The following ZDHHC21 variants were observed in gnomAD, a reference collection of about 807,000 sequenced individuals.
ZDHHC21 encodes zDHHC palmitoyltransferase 21, also known as palmitoyltransferase ZDHHC21.
A neutral mutation model predicts 34.6 loss-of-function variants in ZDHHC21; 15 were observed. The observed-to-expected ratio is 0.43, with a 90% CI of 0.29 to 0.67. The LOEUF is 0.67. ZDHHC21 is among the 30% of genes least tolerant of loss of function. The pLI is 0.14. For synonymous variants in ZDHHC21, 142 were observed against 101.8 expected (o/e 1.40, Z -2.38); for missense variants, 344 against 327.7 (o/e 1.05, Z -0.38).
chr9:14,632,025 A>G (rs1827435055), intron 8 of ZDHHC21, among the ~76,000 whole-genome samples: 1 of 151,550 alleles, frequency 6.6e-6, no homozygotes, highest in Non-Finnish European at 1.5e-5. Context: ...TACTCAATGC[A>G]TCATTGCCAC....
intron 8 of ZDHHC21, chr9:14,622,444 G>A: frequency 2.5e-6 from 2 of 803,548 alleles, no homozygotes; most frequent in Non-Finnish European, 3.0e-6. Flanking sequence ...AAAGGAGAAA[G>A]AGATATCTCT....
At chr9:14,652,665 T>G (rs1831430708) in intron 7 of ZDHHC21, among the ~76,000 whole-genome samples, 2 of 152,036 alleles carry the variant, frequency 1.3e-5, no homozygotes, top group South Asian at 4.1e-4. Context: ...TCCCAATCTG[T>G]TCATTTCCCA....
chr9:14,649,891 A>G lies in ZDHHC21; in HGVS notation c.504+8858T>C, dbSNP rs1477278398. 1.1e-4 allele frequency among the ~76,000 whole-genome samples: 17 copies of G among 152,106 alleles called. 1 individual carries two copies. The highest frequency in any genetic ancestry group is 1.0e-3 in the Admixed American group (16 of 15,260). On this transcript the variant is annotated intron_variant, in intron 7 of 9. Coordinates refer to ENST00000380916, the MANE Select transcript of ZDHHC21 (RefSeq NM_178566.6). The stretch of plus-strand genomic sequence containing the variant: ...ACATACTTCCTTACTACATTCACCA[A>G]TTAATGCAGTGCTACAGTGTTTGGT...
At chr9:14,679,651 T>C (rs887469322) in intron 3 of ZDHHC21, among the ~76,000 whole-genome samples, 3 of 152,132 alleles carry the variant, frequency 2.0e-5, no homozygotes, top group Non-Finnish European at 4.4e-5. Context: ...AAAATAAAGA[T>C]AACCTAAGAG....
At chr9:14,599,047 G>C in the ZDHHC21 span, among the ~76,000 whole-genome samples, 1 of 152,172 alleles carries the variant, frequency 6.6e-6, no homozygotes, top group African/African-American at 2.4e-5. Context: ...ACAGATGTGA[G>C]CCACCTCACC....
chr9:14,683,865 G>C (rs1837811826), intron 2 of ZDHHC21: 1 of 152,116 alleles, frequency 6.6e-6, no homozygotes, highest in Non-Finnish European at 1.5e-5. Context: ...GATCAAGTGG[G>C]CTTCATCGCT....
chr9:14,678,505 C>G (rs1836819483), intron 3 of ZDHHC21, among the ~76,000 whole-genome samples: 1 of 151,840 alleles, frequency 6.6e-6, no homozygotes, highest in Non-Finnish European at 1.5e-5. Flanking sequence ...TATTGAAAAA[C>G]TTTTAGAAAG....
At chr9:14,606,686 C>T (rs953622844), downstream of ZDHHC21, among the ~76,000 whole-genome samples, 1 of 151,856 alleles carries the variant, frequency 6.6e-6, no homozygotes, top group African/African-American at 2.4e-5. Flanking sequence ...GCAACTGGAA[C>T]AATCACCATA....
At chr9:14,677,124 C>T (rs557266433) in intron 3 of ZDHHC21, among the ~76,000 whole-genome samples, 1 of 151,970 alleles carries the variant, frequency 6.6e-6, no homozygotes, top group Admixed American at 6.6e-5. Context: ...TCTCTCACAG[C>T]AACAAAAAAT....
chr9:14,590,929 A>G, the ZDHHC21 span, among the ~76,000 whole-genome samples: 1 of 152,200 alleles, frequency 6.6e-6, no homozygotes. Context: ...CAGGAAGTTT[A>G]TAACACATAT....
At chr9:14,598,003 T>C in the ZDHHC21 span, among the ~76,000 whole-genome samples, 14 of 152,232 alleles carry the variant, frequency 9.2e-5, no homozygotes, top group African/African-American at 2.9e-4. Flanking sequence ...CACATGCTGC[T>C]TGGGGGCCTG....
At chr9:14,660,092 G>A (rs948752466) in intron 6 of ZDHHC21, among the ~76,000 whole-genome samples, 21 of 151,934 alleles carry the variant, frequency 1.4e-4, no homozygotes, top group Admixed American at 2.6e-4. Context: ...CAGGCCAGGC[G>A]CGGTGACTCA....
At chr9:14,658,685 A>G in intron 7 of ZDHHC21, 64 bp downstream of exon 7, 8 of 1,351,884 alleles carry the variant, frequency 5.9e-6, no homozygotes, top group African/African-American at 1.5e-5. Flanking sequence ...GTTAGCCAGG[A>G]TGGTCTCGAT....
chr9:14,675,965 A>T (rs569687768), intron 3 of ZDHHC21, among the ~76,000 whole-genome samples: 3 of 152,102 alleles, frequency 2.0e-5, no homozygotes, highest in African/African-American at 7.2e-5. Context: ...CAAATCATAA[A>T]GCTTTCTGTG....
downstream of ZDHHC21, among the ~76,000 whole-genome samples, chr9:14,608,979 T>C (rs985813078): frequency 2.6e-5 from 4 of 152,168 alleles, no homozygotes; most frequent in African/African-American, 7.2e-5. Context: ...AATATACAGA[T>C]ACACATTCCA....
intron 2 of ZDHHC21, 122 bp downstream of exon 2, chr9:14,690,215 C>A (rs1838962493): frequency 2.6e-6 from 1 of 381,168 alleles, no homozygotes; most frequent in Non-Finnish European, 5.1e-6. Context: ...GTACCCACCA[C>A]ACCAAGAGAG....
At chr9:14,590,901 A>G in the ZDHHC21 span, among the ~76,000 whole-genome samples, 2 of 152,156 alleles carry the variant, frequency 1.3e-5, no homozygotes, top group African/African-American at 4.8e-5. Flanking sequence ...TGGCAAAAGA[A>G]AAGTAATAAT....
intron 5 of ZDHHC21, 68 bp from the exon 6 acceptor site, chr9:14,662,394 GT>G: frequency 8.4e-7 from 1 of 1,197,430 alleles, no homozygotes; most frequent in Non-Finnish European, 1.2e-6. Flanking sequence ...ACCAACAGTT[GT>G]TTAGAAGATT....
rs1346566341 is a variant in ZDHHC21, at chr9:14,686,982, A to AC, written c.-176+3354_-176+3355insG. The stretch of plus-strand genomic sequence containing the variant: ...GGCGAGACTTCATCTCAAAAAAACA[A>AC]AAAAAAAAACAATGTTAAAGAGCTG... On this transcript the variant is annotated intron_variant, in intron 2 of 9. Transcript: ENST00000380916. Among the ~76,000 whole-genome samples the AC allele has an allele frequency of 6.0e-5, 9 of 149,498 alleles. 1 individual carries two copies. The highest frequency in any genetic ancestry group is 2.1e-4 in the South Asian group (1 of 4,776).
Sources: allele counts gnomAD v4.1 joint callset (sites outside exome capture counted in the v4.1 genomes callset), GRCh38; gene constraint gnomAD v4.1.1; transcripts MANE v1.5; gene names NCBI Gene and HGNC (gene_info 2026-07-23, HGNC 2026-07-21).